The following FBN3 variants were observed in gnomAD, a reference collection of about 807,000 sequenced individuals.
FBN3 encodes fibrillin-3.
Under a neutral mutation model 330.1 loss-of-function variants are expected in FBN3, and 234 were observed. The observed-to-expected ratio is 0.71, with a 90% confidence interval of 0.64 to 0.79. The LOEUF is 0.79. Ranked by LOEUF, FBN3 falls within the 30% of genes least tolerant of loss-of-function variation. The pLI is 0.00. For missense variants in FBN3, 3,606 were observed against 3,886.9 expected (o/e 0.93, Z 1.92); for synonymous variants, 1,458 against 1,517.3 (o/e 0.96, Z 0.91).
chr19:8,087,795 A>T, intron 53 of FBN3, 30 bp downstream of exon 53: 3 of 1,593,610 alleles, frequency 1.9e-6, no homozygotes, highest in Non-Finnish European at 2.6e-6. Flanking sequence ...TTTAGTAGAG[A>T]CAGGGTTTTA....
In FBN3 at chr19:8,085,540, C is replaced by T; in HGVS notation, c.6910G>A (p.Val2304Met). Reference sequence around the variant, plus strand: ...AGAGACCGGCACATGGTCTGCAGCACCTCGGCAAAGCAGGGCCCCTGCCGG... The same window carrying T: ...AGAGACCGGCACATGGTCTGCAGCATCTCGGCAAAGCAGGGCCCCTGCCGG... Reference protein sequence around the residue: ...DIRQGPCFAEVLQTMCRSLSS... With the variant: ...DIRQGPCFAEMLQTMCRSLSS... Residue 2304 changes from valine to methionine, a missense_variant, in exon 56 of 64, where the codon GTG becomes ATG. Transcript: ENST00000600128. 1 of 1,586,256 alleles carries T rather than the reference C, an allele frequency of 6.3e-7. No individual in the cohort carries two copies. The highest frequency in any genetic ancestry group is 8.6e-7 in the Non-Finnish European group (1 of 1,166,926).
intron 28 of FBN3, 78 bp from the exon 29 acceptor site, chr19:8,116,877 A>C: frequency 6.5e-7 from 1 of 1,533,832 alleles, no homozygotes. Context: ...CCCAGGCCCC[A>C]GGACGACCTG....
chr19:8,074,108 G>A (rs2145370562), intron 61 of FBN3, among the ~76,000 whole-genome samples: 1 of 152,300 alleles, frequency 6.6e-6, no homozygotes, highest in South Asian at 2.1e-4. Flanking sequence ...GGCAGAAATG[G>A]TTTTTCAGCT....
intron 16 of FBN3, among the ~76,000 whole-genome samples, chr19:8,130,467 C>T (rs1394140642): frequency 4.3e-5 from 6 of 139,100 alleles, no homozygotes; most frequent in South Asian, 2.3e-4. Flanking sequence ...GCCAAGATCA[C>T]GCCACTGCAC....
intron 47 of FBN3, 52 bp downstream of exon 47, chr19:8,094,394 G>T: frequency 6.4e-7 from 1 of 1,567,344 alleles, no homozygotes; most frequent in African/African-American, 1.3e-5. Flanking sequence ...TATGGATGGA[G>T]AAAGAGAGGC....
chr19:8,137,609 C>CT (rs1555754519), intron 10 of FBN3, among the ~76,000 whole-genome samples: 2 of 146,410 alleles, frequency 1.4e-5, no homozygotes, highest in Admixed American at 6.9e-5. Flanking sequence ...CGAACTCTGA[C>CT]TTATTTATTT....
intron 54 of FBN3, 73 bp from the exon 55 acceptor site, chr19:8,086,398 C>T: frequency 3.4e-6 from 4 of 1,185,818 alleles, no homozygotes; most frequent in Non-Finnish European, 4.8e-6. Flanking sequence ...CCCCAAAGGG[C>T]CCCTTTGGAT....
In FBN3 at chr19:8,131,729, G is replaced by A; in HGVS notation, c.1815C>T (p.Gly605=). The A allele has an allele frequency of 6.2e-7, 1 of 1,613,756 alleles. No homozygotes were observed. Residue 605 remains glycine, a synonymous_variant, in exon 15 of 64, where the codon GGC becomes GGT. Transcript: ENST00000600128. The surrounding 1 kb of genome is among the most constrained non-coding windows in gnomAD (Gnocchi z 4.5). ...RCQCLGGLAV[G]TDGRVCVDTH... The stretch of plus-strand genomic sequence containing the variant: ...TGTCCACGCACACGCGGCCATCCGT[G>A]CCTACCGCCAGCCCCCCCAGGCACT...
chr19:8,134,803 G>A (rs886629705), intron 13 of FBN3, among the ~76,000 whole-genome samples: 12 of 150,780 alleles, frequency 8.0e-5, no homozygotes, highest in African/African-American at 1.7e-4. Flanking sequence ...GCACAGTGGC[G>A]CACACCTGTA....
chr19:8,146,151 C>T lies in FBN3; in HGVS notation c.325G>A (p.Ala109Thr), dbSNP rs1260477511. 1.2e-6 allele frequency: 2 copies of T among 1,600,058 alleles called. No individual in the cohort carries two copies. The highest frequency in any genetic ancestry group is 3.5e-5 in the Admixed American group (2 of 57,368). Reference protein sequence around the residue: ...NLCTCADGTLAPSCGVSRGSG... With the variant: ...NLCTCADGTLTPSCGVSRGSG... ...CCTCGGCTCACCCCGCAGCTGGGAG[C>T]CAGCGTCCCATCCGCACAGGTGCAC... The change falls in exon 4 of 64, where the codon GCT becomes ACT. Residue 109 changes from alanine (A) to threonine (T), a missense_variant. By Grantham distance (58) the Ala-to-Thr change is moderately conservative. Coordinates refer to ENST00000600128, the MANE Select transcript of FBN3 (RefSeq NM_032447.5).
intron 53 of FBN3, 23 bp from the exon 54 acceptor site, chr19:8,087,234 G>A (rs1315028927): frequency 3.2e-6 from 5 of 1,559,982 alleles, no homozygotes; most frequent in African/African-American, 2.7e-5. Context: ...AGAGACAGAT[G>A]GTCAGTCAAG....
Position 8,106,168 on chromosome 19 carries a change from T to G in FBN3, c.4753A>C (p.Ser1585Arg), listed in dbSNP as rs756243077. ...CCAGGTGGGCACTCACACTGGAAAC[T>G]GCCAAACGTGTTGACGCAGTCACCC... is the stretch of plus-strand genomic sequence containing the variant. ...QGGDCVNTFG[S>R]FQCECPPGYH... The change falls in exon 38 of 64, where the codon AGT (serine) becomes CGT (arginine). Residue 1585 changes from serine to arginine, a missense_variant. Transcript: ENST00000600128. 1 of 1,614,168 alleles carries G rather than the reference T, an allele frequency of 6.2e-7. No homozygotes were observed. Among genetic ancestry groups the G allele is most frequent in the East Asian group, 2.2e-5 (1 of 44,880 alleles).
intron 63 of FBN3, among the ~76,000 whole-genome samples, chr19:8,067,965 G>A (rs939693386): frequency 9.2e-5 from 14 of 152,128 alleles, no homozygotes; most frequent in African/African-American, 2.9e-4. Flanking sequence ...TAGGGAGGCT[G>A]AGGTGGGAGG....
chr19:8,135,936 G>GGGGGGGGGGGGGGGGGCCCCCCCCCC, intron 13 of FBN3, 25 bp downstream of exon 13: 46 of 668,682 alleles, frequency 6.9e-5, no homozygotes, highest in East Asian at 2.4e-4. Flanking sequence ...GGAAGCCCCT[G>GGGGGGGGGGGGGGGGGCCCCCCCCCC]CCCACCCGCC....
rs2144968090 is a variant in FBN3 at position 8,131,045 on chromosome 19, C to A, written c.2044+190G>T. Among the ~76,000 whole-genome samples the A allele has an allele frequency of 6.6e-6, 1 of 152,254 alleles. No individual in the cohort carries two copies. Among genetic ancestry groups the A allele is most frequent in the South Asian group, 2.1e-4 (1 of 4,820 alleles). On this transcript the variant is annotated intron_variant, in intron 16 of 63. Transcript: ENST00000600128. This position sits in a 1 kb window ranked among gnomAD's most constrained non-coding sequence, Gnocchi z 4.5. ...AAAGCCTCCAAGGGAACCAGCCCTG[C>A]CCGCACCTTGATCTCCGACCTCTGG...
At chr19:8,066,840 C>T (rs989336644) in intron 63 of FBN3, among the ~76,000 whole-genome samples, 3 of 152,006 alleles carry the variant, frequency 2.0e-5, no homozygotes, top group Non-Finnish European at 4.4e-5. Context: ...GATCACGCTA[C>T]TGCACTCCAG....
rs1015215298 is a variant in FBN3 at position 8,145,834 on chromosome 19, G to A, written c.445+9C>T. 1.3e-6 allele frequency: 2 copies of A among 1,547,978 alleles called. No homozygotes were observed. The highest frequency in any genetic ancestry group is 2.7e-5 in the African/African-American group (2 of 72,974). Reference sequence around the variant, plus strand: ...TGTGCAAAGAGGGGAGTCCCATGGGGATACTCACGCTGCCCACACACGGTG... The same window carrying A: ...TGTGCAAAGAGGGGAGTCCCATGGGAATACTCACGCTGCCCACACACGGTG... On this transcript the variant is annotated intron_variant, in intron 5 of 63. Coordinates refer to ENST00000600128, the MANE Select transcript of FBN3 (RefSeq NM_032447.5).
Position 8,096,162 on chromosome 19 carries a change from G to C in FBN3, c.5540-82C>G. 1 of 1,074,450 alleles carries C rather than the reference G, an allele frequency of 9.3e-7. No homozygotes were observed. Among genetic ancestry groups the C allele is most frequent in the South Asian group, 1.3e-5 (1 of 78,852 alleles). The allele number at this position is 1,074,450 out of a possible 1,614,324, so 66.6% of individuals were successfully genotyped here. ...GGGAGTGAGAGGCCAGCTGGACCTA[G>C]CACTCCTCCCCTGCACCTAGCCCTG... is the stretch of plus-strand genomic sequence containing the variant. On this transcript the variant is annotated intron_variant, in intron 44 of 63. Coordinates refer to ENST00000600128, the MANE Select transcript of FBN3 (RefSeq NM_032447.5). This position sits in a 1 kb window ranked among gnomAD's most constrained non-coding sequence, Gnocchi z 4.6.
chr19:8,121,169 C>A lies in FBN3; in HGVS notation c.3211+89G>T. Reference sequence around the variant, plus strand: ...TCCTCCTGCCCCCTCCATCCACGTCCACACAGCAACAGCCGTCCCCACCCT... The same window carrying A: ...TCCTCCTGCCCCCTCCATCCACGTCAACACAGCAACAGCCGTCCCCACCCT... On this transcript the variant is annotated intron_variant, in intron 25 of 63. Coordinates refer to ENST00000600128, the MANE Select transcript of FBN3 (RefSeq NM_032447.5). This position sits in a 1 kb window ranked among gnomAD's most constrained non-coding sequence, Gnocchi z 4.5. 1 of 1,307,948 alleles carries A rather than the reference C, an allele frequency of 7.6e-7. No individual in the cohort carries two copies. Among genetic ancestry groups the A allele is most frequent in the South Asian group, 1.4e-5 (1 of 69,442 alleles). The allele number at this position is 1,307,948 out of a possible 1,614,324, so 81.0% of individuals were successfully genotyped here.
Sources: allele counts gnomAD v4.1 joint callset (sites outside exome capture counted in the v4.1 genomes callset), GRCh38; gene constraint gnomAD v4.1.1; non-coding constraint Gnocchi (gnomAD v3.1); transcripts MANE v1.5; gene names NCBI Gene and HGNC (gene_info 2026-07-23, HGNC 2026-07-21).